Variants in CWC27 observed in about 807,000 individuals in gnomAD.
The protein encoded by CWC27 is CWC27 spliceosome associated cyclophilin.
In CWC27, 47 loss-of-function variants were observed where a neutral mutation model predicts 63.6. That is an observed-to-expected ratio of 0.74 (90% CI 0.58 to 0.94). CWC27 has a LOEUF of 0.94. Ranked by LOEUF, CWC27 falls within the 40% of genes least tolerant of loss-of-function variation. The pLI, the probability that CWC27 is intolerant of heterozygous loss-of-function variation, is 0.00. For synonymous variants in CWC27, 175 were observed against 179.8 expected (o/e 0.97, Z 0.22); for missense variants, 495 against 554.3 (o/e 0.89, Z 1.07).
At chr5:64,994,533 G>T (rs1175499054) in intron 13 of CWC27, among the ~76,000 whole-genome samples, 1 of 152,084 alleles carries the variant, frequency 6.6e-6, no homozygotes, top group East Asian at 1.9e-4. Context: ...GCACACAGTT[G>T]TTATCTGTTC....
intron 10 of CWC27, among the ~76,000 whole-genome samples, chr5:64,818,729 A>T (rs1346369662): frequency 6.6e-6 from 1 of 152,198 alleles, no homozygotes; most frequent in Non-Finnish European, 1.5e-5. Flanking sequence ...ATAGAAGGTG[A>T]GGTTATCTAA....
Position 64,853,267 on chromosome 5 carries a change from T to C in CWC27, c.939-32176T>C, listed in dbSNP as rs2112299796. On this transcript the variant is annotated intron_variant, in intron 10 of 13. Transcript: ENST00000381070. The stretch of plus-strand genomic sequence containing the variant: ...TATATAATAAATTAACTTTATTGCT[T>C]CTTTTGACTTGAATCATGAACCTCT... 2.6e-5 allele frequency among the ~76,000 whole-genome samples: 4 copies of C among 152,270 alleles called. No individual in the cohort carries two copies. The Middle Eastern group carries it at 0.01, about 388-fold the overall frequency.
chr5:64,806,725 C>G (rs1311434594), intron 10 of CWC27, among the ~76,000 whole-genome samples: 1 of 151,938 alleles, frequency 6.6e-6, no homozygotes, highest in African/African-American at 2.4e-5. Context: ...GCCTGTAATC[C>G]CAGCTGCTCA....
At chr5:64,932,114 C>G (rs1032287231) in intron 11 of CWC27, among the ~76,000 whole-genome samples, 13 of 152,028 alleles carry the variant, frequency 8.6e-5, no homozygotes, top group Non-Finnish European at 1.6e-4. Flanking sequence ...TTTATTTAAT[C>G]TTTAAAACAA....
chr5:64,915,738 A>G (rs1374031451), intron 11 of CWC27, among the ~76,000 whole-genome samples: 7 of 152,156 alleles, frequency 4.6e-5, no homozygotes, highest in Admixed American at 4.6e-4. Flanking sequence ...CATTTCATAA[A>G]TGCTTACTAT....
chr5:64,914,956 C>G (rs1399741999), intron 11 of CWC27, among the ~76,000 whole-genome samples: 6 of 152,058 alleles, frequency 3.9e-5, no homozygotes, highest in African/African-American at 1.2e-4. Flanking sequence ...GTAGATAAAT[C>G]TTACAAACAT....
intron 13 of CWC27, among the ~76,000 whole-genome samples, chr5:64,995,642 T>G (rs1749617859): frequency 6.6e-6 from 1 of 152,230 alleles, no homozygotes; most frequent in Non-Finnish European, 1.5e-5. Context: ...AATGTGTTCT[T>G]TATCAGAGTA....
intron 10 of CWC27, among the ~76,000 whole-genome samples, chr5:64,831,373 G>C (rs182557893): frequency 1.9e-3 from 283 of 151,272 alleles, no homozygotes; most frequent in African/African-American, 6.4e-3. Flanking sequence ...CACACTTGTA[G>C]AAGAGAGTGT....
intron 13 of CWC27, among the ~76,000 whole-genome samples, chr5:65,017,572 G>A (rs1750071027): frequency 6.6e-6 from 1 of 152,214 alleles, no homozygotes; most frequent in South Asian, 2.1e-4. Flanking sequence ...ACAGTAGAAG[G>A]AAATTAGTCC....
In CWC27 at chr5:64,878,470, T is replaced by TAAAAAAAAAAAAAAAAA; in HGVS notation, c.939-6959_939-6943dup. Among the ~76,000 whole-genome samples the TAAAAAAAAAAAAAAAAA allele has an allele frequency of 4.6e-3, 124 of 26,934 alleles. 29 individuals carry two copies. The highest frequency in any genetic ancestry group is 0.14 in the Middle Eastern group (2 of 14). 17.7% of individuals were successfully genotyped at this position (26,934 alleles called of 152,430 possible). On this transcript the variant is annotated intron_variant, in intron 10 of 13. Transcript: ENST00000381070. Reference sequence around the variant, plus strand: ...GTCAGCACTGTCCTGGGTTACAGATTAAAAAAAAAAAAAAAAAAAAAAAAA... The same window carrying TAAAAAAAAAAAAAAAAA: ...GTCAGCACTGTCCTGGGTTACAGATTAAAAAAAAAAAAAAAAAAAAAAAAAAAAAAAAAAAAAAAAAA...
chr5:64,998,945 T>C (rs1749685492), intron 13 of CWC27, among the ~76,000 whole-genome samples: 1 of 151,998 alleles, frequency 6.6e-6, no homozygotes, highest in South Asian at 2.1e-4. Context: ...CTATTCTGAA[T>C]CTTCTTTCAT....
chr5:64,953,948 T>C lies in CWC27; in HGVS notation c.1043-17755T>C, dbSNP rs553319172. Among the ~76,000 whole-genome samples, 360 of 152,336 alleles carry C rather than the reference T, an allele frequency of 2.4e-3. 2 individuals carry two copies. The highest frequency in any genetic ancestry group is 3.6e-3 in the Non-Finnish European group (245 of 68,030). ...TTGTCCTTGCCATCTTCCCACTCACTCTTTCAGTTATTTTCTCAAGGAATA... is the reference window on the plus strand; with the variant it reads ...TTGTCCTTGCCATCTTCCCACTCACCCTTTCAGTTATTTTCTCAAGGAATA... On this transcript the variant is annotated intron_variant, in intron 11 of 13. Coordinates refer to ENST00000381070, the MANE Select transcript of CWC27 (RefSeq NM_005869.4).
intron 11 of CWC27, among the ~76,000 whole-genome samples, chr5:64,946,351 A>C (rs141606446): frequency 5.3e-4 from 80 of 152,312 alleles, no homozygotes; most frequent in African/African-American, 1.9e-3. Context: ...GCATATAGCA[A>C]ATAATATATC....
At chr5:64,870,082 GA>G (rs1275119868) in intron 10 of CWC27, among the ~76,000 whole-genome samples, 1 of 152,082 alleles carries the variant, frequency 6.6e-6, no homozygotes, top group Non-Finnish European at 1.5e-5. Flanking sequence ...TCCCAGAACA[GA>G]AGCATATATC....
intron 13 of CWC27, among the ~76,000 whole-genome samples, chr5:64,986,113 G>T (rs114328972): frequency 9.9e-5 from 15 of 152,012 alleles, no homozygotes; most frequent in Non-Finnish European, 1.5e-5. Context: ...AAAGAAGGAC[G>T]TGTTTGCCTC....
chr5:64,828,786 T>C (rs1376376237), intron 10 of CWC27, among the ~76,000 whole-genome samples: 4 of 152,098 alleles, frequency 2.6e-5, no homozygotes, highest in Non-Finnish European at 5.9e-5. Context: ...ACCTGTACTA[T>C]CCTCTGAAAG....
chr5:64,961,945 A>C (rs1748919073), intron 11 of CWC27, among the ~76,000 whole-genome samples: 1 of 152,176 alleles, frequency 6.6e-6, no homozygotes, highest in South Asian at 2.1e-4. Context: ...TTTCATAGAA[A>C]TTTCAGGTAA....
intron 11 of CWC27, among the ~76,000 whole-genome samples, chr5:64,943,589 A>C (rs749735600): frequency 6.6e-6 from 1 of 152,190 alleles, no homozygotes; most frequent in African/African-American, 2.4e-5. Context: ...AATGTCTACT[A>C]TGTGCCAGGC....
At chr5:64,853,637 T>G (rs10072573) in intron 10 of CWC27, among the ~76,000 whole-genome samples, 140,110 of 152,142 alleles carry the variant, frequency 0.92, 64,535 homozygotes, top group East Asian at 0.99. Context: ...TCGGGTGAAG[T>G]CCTCAGGAAG....
Sources: allele counts gnomAD v4.1 joint callset (sites outside exome capture counted in the v4.1 genomes callset), GRCh38; gene constraint gnomAD v4.1.1; transcripts MANE v1.5; gene names NCBI Gene and HGNC (gene_info 2026-07-23, HGNC 2026-07-21).